The following TNFRSF25 variants were observed in gnomAD, a reference collection of about 807,000 sequenced individuals.
The protein encoded by TNFRSF25 is tumor necrosis factor receptor superfamily member 25.
A neutral mutation model predicts 49.4 loss-of-function variants in TNFRSF25; 28 were observed. The observed-to-expected ratio is 0.57, with a 90% CI of 0.42 to 0.78. TNFRSF25 has a LOEUF of 0.78. Ranked by LOEUF, TNFRSF25 falls within the 30% of genes least tolerant of loss-of-function variation. The pLI, the probability that TNFRSF25 is intolerant of heterozygous loss-of-function variation, is 0.00. For synonymous variants in TNFRSF25, 240 were observed against 234.2 expected, an observed-to-expected ratio of 1.02 and a Z score of -0.23; for missense variants, 531 against 581.6, an observed-to-expected ratio of 0.91 and a Z score of 0.90.
chr1:6,462,739 T>C lies in TNFRSF25; in HGVS notation c.707-73A>G. ...GACCTGGGTGCTGGTACAGCTCCTC[T>C]AGGGTTCCTCTGCACCCCACACTCC... On this transcript the variant is annotated intron_variant, in intron 7 of 9. Coordinates refer to ENST00000356876, the MANE Select transcript of TNFRSF25 (RefSeq NM_003790.3). This position sits in a 1 kb window ranked among gnomAD's most constrained non-coding sequence, Gnocchi z 4.2. The C allele has an allele frequency of 1.3e-6, 2 of 1,595,210 alleles. No individual in the cohort carries two copies. Among genetic ancestry groups the C allele is most frequent in the South Asian group, 1.1e-5 (1 of 87,260 alleles).
chr1:6,461,235 C>A lies in TNFRSF25; in HGVS notation c.*199G>T. ...GCCGAGAAGTTGAGAAATGTCTTCACCCCCTCTCGACATTCGTTCGTGCTT... is the reference window on the plus strand; with the variant it reads ...GCCGAGAAGTTGAGAAATGTCTTCAACCCCTCTCGACATTCGTTCGTGCTT... On this transcript the variant is annotated 3_prime_UTR_variant, in exon 10 of 10. Transcript: ENST00000356876. The surrounding 1 kb of genome is among the most constrained non-coding windows in gnomAD (Gnocchi z 6.3). 2.7e-6 allele frequency: 2 copies of A among 746,766 alleles called. No individual in the cohort carries two copies. The highest frequency in any genetic ancestry group is 1.5e-5 in the South Asian group (1 of 67,318). 46.3% of individuals were successfully genotyped at this position (746,766 alleles called of 1,614,324 possible).
Position 6,462,809 on chromosome 1 carries a change from G to A in TNFRSF25, c.706+54C>T. The A allele has an allele frequency of 6.4e-7, 1 of 1,569,706 alleles. No homozygotes were observed. The highest frequency in any genetic ancestry group is 1.2e-5 in the South Asian group (1 of 85,622). ...TGTATCAGGGTTGAGTAGACTCTGG[G>A]CTACCCATCCTGACCCCAGGCTTCT... On this transcript the variant is annotated intron_variant, in intron 7 of 9. Transcript: ENST00000356876. This position sits in a 1 kb window ranked among gnomAD's most constrained non-coding sequence, Gnocchi z 4.2.
Position 6,462,813 on chromosome 1 carries a change from C to T in TNFRSF25, c.706+50G>A, listed in dbSNP as rs745643263. The T allele has an allele frequency of 6.4e-7, 1 of 1,571,342 alleles. No individual in the cohort carries two copies. The highest frequency in any genetic ancestry group is 1.2e-5 in the South Asian group (1 of 85,948). ...TCAGGGTTGAGTAGACTCTGGGCTA[C>T]CCATCCTGACCCCAGGCTTCTGGGT... is the stretch of plus-strand genomic sequence containing the variant. On this transcript the variant is annotated intron_variant, in intron 7 of 9. Transcript: ENST00000356876. This position sits in a 1 kb window ranked among gnomAD's most constrained non-coding sequence, Gnocchi z 4.2.
chr1:6,465,728 C>T (rs1410839554), intron 1 of TNFRSF25, 168 bp from the exon 2 acceptor site: 1 of 1,433,768 alleles, frequency 7.0e-7, no homozygotes, highest in Non-Finnish European at 9.1e-7. Context: ...ACTTCCTTCC[C>T]CCCGCGCACA....
At chr1:6,465,301 C>T in intron 2 of TNFRSF25, 79 bp from the exon 3 acceptor site, 1 of 1,563,162 alleles carries the variant, frequency 6.4e-7, no homozygotes, top group Non-Finnish European at 8.7e-7. Context: ...TGCCCTCCCT[C>T]CCTCTTTCTC....
intron 1 of TNFRSF25, chr1:6,465,817 AC>A (rs1326217523): frequency 9.9e-6 from 14 of 1,415,656 alleles, no homozygotes; most frequent in Non-Finnish European, 1.2e-5. Context: ...CAGCGCCCCC[AC>A]CCCCACCCAT....
At position 6,466,115 on chromosome 1, in the gene TNFRSF25, C is replaced by G. The variant is rs1258068559; in HGVS notation, c.-8G>C. 2 of 1,532,262 alleles carry G rather than the reference C, an allele frequency of 1.3e-6. No homozygotes were observed. Among genetic ancestry groups the G allele is most frequent in the African/African-American group, 1.5e-5 (1 of 66,736 alleles). 94.9% of individuals were successfully genotyped at this position (1,532,262 alleles called of 1,614,324 possible). A position where few individuals can be genotyped will look rare whatever the true frequency, so the allele number is the denominator to read the frequency against. On this transcript the variant is annotated 5_prime_UTR_variant, in exon 1 of 10. Transcript: ENST00000356876. ...CCGCGGCCGCTGCTCCATAGCCCTC[C>G]GACGGGCGCCCAGGGGCTTCCCGGC...
intron 1 of TNFRSF25, 115 bp from the exon 2 acceptor site, chr1:6,465,675 A>T: frequency 6.8e-7 from 1 of 1,478,756 alleles, no homozygotes; most frequent in South Asian, 1.4e-5. Flanking sequence ...CCCACTTCCC[A>T]GGCCCCGGGC....
chr1:6,465,586 C>G, intron 1 of TNFRSF25, 26 bp from the exon 2 acceptor site: 7 of 1,606,530 alleles, frequency 4.4e-6, no homozygotes, highest in Non-Finnish European at 1.7e-6. Flanking sequence ...TGCTGACTCT[C>G]AGCGCAGCTG....
At chr1:6,463,003 C>G in intron 6 of TNFRSF25, 33 bp from the exon 7 acceptor site, 1 of 1,561,152 alleles carries the variant, frequency 6.4e-7, no homozygotes, top group Non-Finnish European at 8.7e-7. Context: ...GGGTGGTTGC[C>G]CCCCTCCTCA....
chr1:6,461,623 C>T lies in TNFRSF25; in HGVS notation c.1065G>A (p.Gly355=), dbSNP rs1337069569. The T allele has an allele frequency of 6.2e-7, 1 of 1,608,820 alleles. No individual in the cohort carries two copies. Among genetic ancestry groups the T allele is most frequent in the South Asian group, 1.1e-5 (1 of 90,958 alleles). Residue 355 remains glycine (G), a synonymous_variant, in exon 10 of 10, where the codon GGG becomes GGA. Transcript: ENST00000356876. This position sits in a 1 kb window ranked among gnomAD's most constrained non-coding sequence, Gnocchi z 6.3. ...CGGCTTCGATCTCTGCCTCGCGCAG[C>T]CCCAGCGTGCGCACGAACTCCTTCC... ...RRWKEFVRTL[G]LREAEIEAVE...
chr1:6,465,687 G>C, intron 1 of TNFRSF25, 127 bp from the exon 2 acceptor site: 3 of 1,464,376 alleles, frequency 2.0e-6, no homozygotes, highest in Non-Finnish European at 2.7e-6. Context: ...GCCCCGGGCA[G>C]AAGGGGTGCC....
Position 6,462,071 on chromosome 1 carries a change from G to A in TNFRSF25, c.848C>T (p.Pro283Leu). The part of the protein sequence containing the change: ...TVQLVGNSWT[P>L]GYPETQEALC... ...CGCCTCCTGGGTCTCGGGGTAGCCA[G>A]GGGTCCAGCTGTTACCCACCAACTG... Residue 283 changes from proline (P) to leucine (L), a missense_variant, in exon 9 of 10, where the codon CCT becomes CTT. Transcript: ENST00000356876. This position sits in a 1 kb window ranked among gnomAD's most constrained non-coding sequence, Gnocchi z 4.2. 6.2e-7 allele frequency: 1 copy of A among 1,613,862 alleles called. No individual in the cohort carries two copies. Among genetic ancestry groups the A allele is most frequent in the Non-Finnish European group, 8.5e-7 (1 of 1,179,978 alleles).
At chr1:6,466,028 A>G in intron 1 of TNFRSF25, 41 bp downstream of exon 1, 1 of 1,562,356 alleles carries the variant, frequency 6.4e-7, no homozygotes. Flanking sequence ...CTCTTGGGAC[A>G]GGGCTCAAAG....
At chr1:6,465,640 G>A in intron 1 of TNFRSF25, 80 bp from the exon 2 acceptor site, 2 of 1,538,962 alleles carry the variant, frequency 1.3e-6, no homozygotes, top group Non-Finnish European at 1.8e-6. Context: ...CATTTCAGAG[G>A]CCCCAGCATT....
Position 6,461,985 on chromosome 1 carries a change from G to A in TNFRSF25, c.925+9C>T. On this transcript the variant is annotated intron_variant, in intron 9 of 9. Coordinates refer to ENST00000356876, the MANE Select transcript of TNFRSF25 (RefSeq NM_003790.3). The surrounding 1 kb of genome is among the most constrained non-coding windows in gnomAD (Gnocchi z 6.3). ...GGGGTCAAGGCCTCAGGCCACTGAT[G>A]TCCCTTACCAAGAGCTCTGCTGGGC... The A allele has an allele frequency of 6.3e-7, 1 of 1,598,214 alleles. No homozygotes were observed. Among genetic ancestry groups the A allele is most frequent in the Non-Finnish European group, 8.5e-7 (1 of 1,173,966 alleles).
At chr1:6,465,295 C>A in intron 2 of TNFRSF25, 73 bp from the exon 3 acceptor site, 1 of 1,556,174 alleles carries the variant, frequency 6.4e-7, no homozygotes, top group South Asian at 1.2e-5. Flanking sequence ...CCACCCTGCC[C>A]TCCCTCCCTC....
intron 2 of TNFRSF25, 48 bp downstream of exon 2, chr1:6,465,392 C>T (rs1432473219): frequency 6.2e-7 from 1 of 1,612,386 alleles, no homozygotes; most frequent in Non-Finnish European, 8.5e-7. Context: ...CCCGCCACCT[C>T]TCCAGCCCTG....
At chr1:6,464,757 G>A (rs1266709544) in intron 3 of TNFRSF25, 38 bp from the exon 4 acceptor site, 2 of 1,603,418 alleles carry the variant, frequency 1.2e-6, no homozygotes, top group Admixed American at 3.3e-5. Flanking sequence ...TGGAGAGTTA[G>A]TCAGGGCCAA....
Sources: gnomAD v4.1 joint callset for allele counts on GRCh38, gnomAD v4.1.1 for gene constraint, Gnocchi (gnomAD v3.1) non-coding constraint, MANE v1.5 for transcripts, NCBI Gene and HGNC (gene_info 2026-07-23, HGNC 2026-07-21) for gene names.